The following MACF1 variants were observed in gnomAD, a reference collection of about 807,000 sequenced individuals.
MACF1 encodes microtubule actin crosslinking factor 1, also known as microtubule-actin cross-linking factor 1.
In MACF1, 193 loss-of-function variants were observed where a neutral mutation model predicts 854.8. The observed-to-expected ratio is 0.23, with a 90% confidence interval of 0.20 to 0.25. The LOEUF is 0.25. Ranked by LOEUF, MACF1 falls within the 10% of genes least tolerant of loss-of-function variation. The pLI is 1.00. For synonymous variants in MACF1, 3,185 were observed against 3,226.7 expected, an observed-to-expected ratio of 0.99 and a Z score of 0.44; for missense variants, 7,722 against 8,929.1, an observed-to-expected ratio of 0.86 and a Z score of 5.45.
chr1:39,133,579 C>T (rs1370094739), intron 2 of MACF1, among the ~76,000 whole-genome samples: 2 of 151,796 alleles, frequency 1.3e-5, no homozygotes, highest in Non-Finnish European at 2.9e-5. Flanking sequence ...TTTATTTTTC[C>T]CAACTTTATA....
At chr1:39,196,762 T>C (rs936763661) in intron 2 of MACF1, among the ~76,000 whole-genome samples, 1 of 152,246 alleles carries the variant, frequency 6.6e-6, no homozygotes, top group African/African-American at 2.4e-5. Flanking sequence ...TAAATCTCAA[T>C]GACATTTGAA....
chr1:39,452,140 C>G lies in MACF1; in HGVS notation c.20419-16C>G, dbSNP rs141416395. ...ACATTCCTTGAACAAACAAATTCTC[C>G]TATTTTCTTTTCTAGGTTTTCCAGA... is the stretch of plus-strand genomic sequence containing the variant. On this transcript the variant is annotated splice_polypyrimidine_tract_variant and intron_variant, in intron 85 of 100. Coordinates refer to ENST00000564288, the MANE Select transcript of MACF1 (RefSeq NM_001394062.1). The G allele has an allele frequency of 4.8e-5, 75 of 1,572,238 alleles. No individual in the cohort carries two copies. The African/African-American group carries it at 9.1e-4, about 19-fold the overall frequency.
At chr1:39,118,921 G>A (rs1467718952) in intron 2 of MACF1, among the ~76,000 whole-genome samples, 5 of 152,050 alleles carry the variant, frequency 3.3e-5, no homozygotes, top group African/African-American at 1.2e-4. Context: ...GACTTATAAA[G>A]ATGTATATCT....
chr1:39,090,788 C>T (rs1641782333), intron 2 of MACF1, among the ~76,000 whole-genome samples: 1 of 152,206 alleles, frequency 6.6e-6, no homozygotes, highest in African/African-American at 2.4e-5. Flanking sequence ...GTAGCTGACA[C>T]TGCAGCAGGA....
intron 93 of MACF1, among the ~76,000 whole-genome samples, chr1:39,462,275 C>T (rs147429791): frequency 1.3e-5 from 2 of 152,286 alleles, no homozygotes; most frequent in East Asian, 1.9e-4. Flanking sequence ...CTGTGTGGTG[C>T]TCTGAAGTTT....
intron 2 of MACF1, among the ~76,000 whole-genome samples, chr1:39,177,877 G>A (rs1057094086): frequency 2.0e-5 from 3 of 152,022 alleles, no homozygotes; most frequent in Non-Finnish European, 2.9e-5. Flanking sequence ...CTGAAATCCT[G>A]TAGCTATGAA....
chr1:39,402,126 C>T (rs779565608), intron 58 of MACF1, among the ~76,000 whole-genome samples: 10 of 152,254 alleles, frequency 6.6e-5, no homozygotes, highest in East Asian at 5.8e-4. Flanking sequence ...GCAGGAGAAT[C>T]GCTTGAACCT....
At chr1:39,129,096 A>G (rs893693445) in intron 2 of MACF1, among the ~76,000 whole-genome samples, 3 of 152,130 alleles carry the variant, frequency 2.0e-5, no homozygotes, top group Non-Finnish European at 4.4e-5. Flanking sequence ...ACACCCTTCT[A>G]AAGATCAGGT....
chr1:39,152,858 A>T (rs1042600072), intron 2 of MACF1, among the ~76,000 whole-genome samples: 37 of 26,378 alleles, frequency 1.4e-3, no homozygotes, highest in African/African-American at 2.0e-3. Flanking sequence ...TAAACAAATT[A>T]AAAAAAAAAA....
intron 2 of MACF1, among the ~76,000 whole-genome samples, chr1:39,243,133 C>T (rs901697023): frequency 6.6e-6 from 1 of 152,146 alleles, no homozygotes; most frequent in African/African-American, 2.4e-5. Flanking sequence ...TATAGACATC[C>T]TAGACAGCGC....
At chr1:39,265,538 C>G (rs371280785) in intron 6 of MACF1, among the ~76,000 whole-genome samples, 2 of 152,080 alleles carry the variant, frequency 1.3e-5, no homozygotes, top group African/African-American at 4.8e-5. Flanking sequence ...AAATGTATTC[C>G]GAACACTTAT....
Position 39,332,850 on chromosome 1 carries a change from A to G in MACF1, c.6262A>G (p.Arg2088Gly), listed in dbSNP as rs780812499. 6.2e-7 allele frequency: 1 copy of G among 1,614,152 alleles called. No homozygotes were observed. Residue 2088 changes from arginine to glycine, a missense_variant, in exon 37 of 101, where the codon AGA (arginine) becomes GGA (glycine). Arg to Gly is a moderately radical substitution (Grantham distance 125). Coordinates refer to ENST00000564288, the MANE Select transcript of MACF1 (RefSeq NM_001394062.1). ...EQDLFVEQKE[R>G]NPNIDALKVI... ...GGATCTGTTTGTAGAACAAAAAGAG[A>G]GAAATCCAAACATTGATGCTTTGAA...
intron 60 of MACF1, 97 bp downstream of exon 60, chr1:39,422,997 T>C (rs913162487): frequency 2.4e-5 from 27 of 1,107,742 alleles, no homozygotes; most frequent in Non-Finnish European, 3.1e-5. Flanking sequence ...GGAGTTTTAG[T>C]AGAATCCTAA....
At chr1:39,287,595 C>T (rs1190709538) in intron 15 of MACF1, 33 bp downstream of exon 15, 38 of 1,608,094 alleles carry the variant, frequency 2.4e-5, no homozygotes, top group Non-Finnish European at 3.1e-5. Flanking sequence ...ATGCAGTACA[C>T]TGATGTTTAC....
At chr1:39,131,715 CATTATT>C (rs1643010478) in intron 2 of MACF1, among the ~76,000 whole-genome samples, 1 of 152,122 alleles carries the variant, frequency 6.6e-6, no homozygotes, top group African/African-American at 2.4e-5. Flanking sequence ...AATTGGGAGA[CATTATT>C]AGAAAGTGGA....
At chr1:39,300,139 GT>G (rs1244150653) in intron 21 of MACF1, 70 bp from the exon 22 acceptor site, 6 of 1,515,322 alleles carry the variant, frequency 4.0e-6, no homozygotes, top group Non-Finnish European at 5.4e-6. Context: ...GGAGTATTCA[GT>G]TTTCTTTGTT....
chr1:39,268,944 A>T, intron 6 of MACF1: 1 of 1,286,150 alleles, frequency 7.8e-7, no homozygotes, highest in Non-Finnish European at 1.0e-6. Flanking sequence ...GGTAGAGCAT[A>T]CCCCCCCAGA....
At chr1:39,414,492 T>A in intron 58 of MACF1, 2 of 1,614,006 alleles carry the variant, frequency 1.2e-6, no homozygotes, top group Non-Finnish European at 1.7e-6. Context: ...TTGTCCATTT[T>A]GATTCTGGGA....
intron 2 of MACF1, among the ~76,000 whole-genome samples, chr1:39,181,109 C>T (rs595710): frequency 0.94 from 143,222 of 152,274 alleles, 67,442 homozygotes; most frequent in East Asian, 1. Context: ...GATTTTGCCA[C>T]GTTGTCCAGG....
Sources: gnomAD v4.1 joint callset for allele counts (sites outside exome capture counted in the v4.1 genomes callset) on GRCh38, gnomAD v4.1.1 for gene constraint, MANE v1.5 for transcripts, NCBI Gene and HGNC (gene_info 2026-07-23, HGNC 2026-07-21) for gene names.